The following CCNJL variants were observed in gnomAD, a reference collection of about 807,000 sequenced individuals.
CCNJL encodes cyclin J like, also known as cyclin-J-like protein.
Under a neutral mutation model 33.4 loss-of-function variants are expected in CCNJL, and 33 were observed. The ratio of observed to expected loss-of-function variants is 0.99; its 90% CI spans 0.75 to 1.32. The LOEUF (loss-of-function observed/expected upper bound fraction) is 1.32, where lower values mean the gene tolerates loss of function less well. CCNJL is among the 40% of genes most tolerant of loss of function. The probability of loss-of-function intolerance (pLI) is 0.00; values close to 1 mark genes in which losing one functional copy is unlikely to be tolerated. For synonymous variants in CCNJL, 227 were observed against 220.9 expected (o/e 1.03, Z -0.24); for missense variants, 512 against 499.7 (o/e 1.02, Z -0.23).
At chr5:160,267,057 C>T (rs1243122570) in intron 3 of CCNJL, among the ~76,000 whole-genome samples, 1 of 152,210 alleles carries the variant, frequency 6.6e-6, no homozygotes, top group African/African-American at 2.4e-5. Flanking sequence ...AGAGAATCCA[C>T]TGGGTAGCAA....
intron 2 of CCNJL, among the ~76,000 whole-genome samples, chr5:160,306,177 A>C (rs1763090078): frequency 6.7e-6 from 1 of 148,368 alleles, no homozygotes; most frequent in Non-Finnish European, 1.5e-5. Flanking sequence ...AGGCTGAGGC[A>C]GGGGAATCAC....
intron 4 of CCNJL, chr5:160,258,143 G>A (rs968679003): frequency 2.6e-6 from 1 of 384,700 alleles, no homozygotes; most frequent in Non-Finnish European, 4.8e-6. Context: ...ACCGCGCCCA[G>A]TCCAATCATT....
At chr5:160,327,317 C>G (rs1231719241) in intron 1 of CCNJL, among the ~76,000 whole-genome samples, 1 of 152,190 alleles carries the variant, frequency 6.6e-6, no homozygotes, top group African/African-American at 2.4e-5. Context: ...AGGCACTGTG[C>G]TAGGCTCTTG....
intron 1 of CCNJL, among the ~76,000 whole-genome samples, chr5:160,318,628 T>C (rs1763405191): frequency 6.6e-6 from 1 of 152,276 alleles, no homozygotes; most frequent in Admixed American, 6.5e-5. Flanking sequence ...GGGCAACCCA[T>C]AGTTCCTCTT....
chr5:160,297,155 T>C (rs937835089), intron 2 of CCNJL, among the ~76,000 whole-genome samples: 1 of 152,212 alleles, frequency 6.6e-6, no homozygotes, highest in Non-Finnish European at 1.5e-5. Flanking sequence ...TGGTTTGATA[T>C]GACTATATCT....
intron 2 of CCNJL, among the ~76,000 whole-genome samples, chr5:160,291,036 T>TAAAAAAAAAAAAAAAAAAA (rs1177369719): frequency 5.2e-5 from 3 of 57,540 alleles, no homozygotes; most frequent in Non-Finnish European, 9.0e-5. Context: ...CGTCTTTACT[T>TAAAAAAAAAAAAAAAAAAA]AAAAAAAAAA....
chr5:160,302,265 A>G (rs776866127), intron 2 of CCNJL, among the ~76,000 whole-genome samples: 2 of 152,220 alleles, frequency 1.3e-5, no homozygotes, highest in Non-Finnish European at 2.9e-5. Flanking sequence ...AGAAAATGAC[A>G]TAGAAGGTTA....
intron 3 of CCNJL, among the ~76,000 whole-genome samples, chr5:160,270,879 C>G (rs955617068): frequency 2.0e-5 from 3 of 152,168 alleles, no homozygotes; most frequent in Non-Finnish European, 4.4e-5. Context: ...GAACGTAGGT[C>G]TGCTCCAGTC....
At chr5:160,271,575 T>C (rs143036916) in intron 3 of CCNJL, among the ~76,000 whole-genome samples, 64 of 152,300 alleles carry the variant, frequency 4.2e-4, no homozygotes, top group African/African-American at 1.5e-3. Flanking sequence ...AAAATCACCA[T>C]GTCCTCCGCT....
At chr5:160,317,016 A>G (rs1294305141), upstream of CCNJL, among the ~76,000 whole-genome samples, 2 of 152,232 alleles carry the variant, frequency 1.3e-5, no homozygotes, top group Non-Finnish European at 2.9e-5. Context: ...CATGGTGTTA[A>G]TGGTTGGCAC....
intron 4 of CCNJL, among the ~76,000 whole-genome samples, chr5:160,257,886 G>A (rs6883316): frequency 0.015 from 2,184 of 149,696 alleles, 42 homozygotes; most frequent in African/African-American, 0.05. Flanking sequence ...TGTTCTTGTT[G>A]CCCAAGCTGG....
At chr5:160,257,389 C>T (rs1249673933) in intron 4 of CCNJL, among the ~76,000 whole-genome samples, 9 of 152,008 alleles carry the variant, frequency 5.9e-5, no homozygotes, top group African/African-American at 2.2e-4. Flanking sequence ...GCAGGAGAAT[C>T]GCTTGAACCT....
chr5:160,295,941 A>G (rs775492403), intron 2 of CCNJL, among the ~76,000 whole-genome samples: 2 of 152,138 alleles, frequency 1.3e-5, no homozygotes, highest in Non-Finnish European at 1.5e-5. Flanking sequence ...CTGGGGATGG[A>G]GCTGGGCACC....
rs1036191992 is a variant in CCNJL, at chr5:160,249,951, G to T, written c.*3427C>A. 2.0e-5 allele frequency: 3 copies of T among 152,110 alleles called. No homozygotes were observed. Among genetic ancestry groups the T allele is most frequent in the Admixed American group, 6.5e-5 (1 of 15,268 alleles). 9.4% of individuals were successfully genotyped at this position (152,110 alleles called of 1,614,324 possible). The stretch of plus-strand genomic sequence containing the variant: ...CCAGGTCCCCACCCCTCCTAGAGAA[G>T]GCTCCAGGTCATTCTGCAGCTTGCT... On this transcript the variant is annotated 3_prime_UTR_variant, in exon 6 of 6. Transcript: ENST00000257536.
At chr5:160,282,966 A>AATAT (rs70990720) in intron 2 of CCNJL, among the ~76,000 whole-genome samples, 1,069 of 42,950 alleles carry the variant, frequency 0.025, 62 homozygotes, top group Non-Finnish European at 0.038. Flanking sequence ...CAGTCCTTGG[A>AATAT]ATATATATAT....
chr5:160,311,780 G>C, intron 2 of CCNJL, 78 bp downstream of exon 2: 1 of 1,375,774 alleles, frequency 7.3e-7, no homozygotes, highest in South Asian at 1.2e-5. Flanking sequence ...TCCCACGCAG[G>C]CGACCTGAGA....
In CCNJL at chr5:160,323,160, G is replaced by T. The variant is rs185143434; in HGVS notation, n.207-7655C>A. ...CAAGGCAAGAGAATTGCTTGAACCC[G>T]GGAGGCGGAGGTTGCAGTGAGCTGA... On this transcript the variant is annotated intron_variant and non_coding_transcript_variant, in intron 1 of 7. Coordinates refer to the CCNJL transcript ENST00000377503. 5.3e-5 allele frequency among the ~76,000 whole-genome samples: 8 copies of T among 151,652 alleles called. No individual in the cohort carries two copies. In the East Asian group the frequency reaches 1.5e-3, roughly 29 times the overall value.
chr5:160,263,095 C>T (rs1761416817), intron 3 of CCNJL, among the ~76,000 whole-genome samples: 1 of 152,198 alleles, frequency 6.6e-6, no homozygotes, highest in African/African-American at 2.4e-5. Context: ...ACAATGAACA[C>T]ATAGGACCCT....
At position 160,306,090 on chromosome 5, in the gene CCNJL, A is replaced by G. The variant is rs569445360; in HGVS notation, c.66+5768T>C. 3.5e-4 allele frequency among the ~76,000 whole-genome samples: 54 copies of G among 152,124 alleles called. No individual in the cohort carries two copies. In the South Asian group the frequency reaches 6.2e-3, roughly 18 times the overall value. Reference sequence around the variant, plus strand: ...GGAGTTAGAGACCAGCCTGGCCAACATGGTGAAACCCCGCCTCTACTAAAA... The same window carrying G: ...GGAGTTAGAGACCAGCCTGGCCAACGTGGTGAAACCCCGCCTCTACTAAAA... On this transcript the variant is annotated intron_variant, in intron 2 of 5. Coordinates refer to ENST00000257536, the MANE Select transcript of CCNJL (RefSeq NM_001308173.3).
Sources: allele counts gnomAD v4.1 joint callset (sites outside exome capture counted in the v4.1 genomes callset), GRCh38; gene constraint gnomAD v4.1.1; transcripts MANE v1.5; gene names NCBI Gene and HGNC (gene_info 2026-07-23, HGNC 2026-07-21).